Variants in UCK2 observed in about 807,000 individuals in gnomAD.
UCK2 encodes uridine-cytidine kinase 2, also known as cytidine monophosphokinase 2.
Under a neutral mutation model 30.8 loss-of-function variants are expected in UCK2, and 6 were observed. The observed-to-expected ratio is 0.19, with a 90% CI of 0.11 to 0.38. UCK2 has a LOEUF of 0.38. UCK2 is among the 10% of genes least tolerant of loss of function. UCK2 has a pLI of 1.00. For synonymous variants in UCK2, 125 were observed against 133.6 expected, an observed-to-expected ratio of 0.94 and a Z score of 0.45; for missense variants, 210 against 339.8, an observed-to-expected ratio of 0.62 and a Z score of 3.00.
At chr1:165,847,851 T>G (rs750637756) in intron 1 of UCK2, among the ~76,000 whole-genome samples, 1 of 152,192 alleles carries the variant, frequency 6.6e-6, no homozygotes, top group Non-Finnish European at 1.5e-5. Context: ...TGGAGTGCAG[T>G]GGCGTACTCT....
At chr1:165,900,960 G>A (rs977746449) in intron 4 of UCK2, among the ~76,000 whole-genome samples, 1 of 152,112 alleles carries the variant, frequency 6.6e-6, no homozygotes, top group African/African-American at 2.4e-5. Flanking sequence ...GGCTTTATCT[G>A]GAGACGTGTG....
At chr1:165,897,935 C>A (rs904013525) in intron 4 of UCK2, 5 of 152,138 alleles carry the variant, frequency 3.3e-5, no homozygotes, top group African/African-American at 9.7e-5. Context: ...CTTGCGACAC[C>A]CCGGCTTGGG....
Position 165,836,228 on chromosome 1 carries a change from C to CAAAAAA in UCK2, c.99+8300_99+8301insAAAAAA, listed in dbSNP as rs1285741977. The stretch of plus-strand genomic sequence containing the variant: ...GGGCGACAAGAGCAAGACTCCGTCT[C>CAAAAAA]AAAACAAAAAACAAAACAAAAAAAA... On this transcript the variant is annotated intron_variant, in intron 1 of 6. Coordinates refer to ENST00000367879, the MANE Select transcript of UCK2 (RefSeq NM_012474.5). 2.8e-3 allele frequency among the ~76,000 whole-genome samples: 418 copies of CAAAAAA among 149,400 alleles called. 5 individuals are homozygous for CAAAAAA. Among genetic ancestry groups the CAAAAAA allele is most frequent in the African/African-American group, 9.9e-3 (390 of 39,196 alleles).
At chr1:165,899,455 A>T (rs1647383463) in intron 4 of UCK2, among the ~76,000 whole-genome samples, 1 of 152,224 alleles carries the variant, frequency 6.6e-6, no homozygotes, top group Non-Finnish European at 1.5e-5. Flanking sequence ...ACTATAGAGT[A>T]GCACATTTCC....
intron 1 of UCK2, among the ~76,000 whole-genome samples, chr1:165,831,988 C>T (rs532666699): frequency 4.0e-4 from 61 of 152,210 alleles, no homozygotes; most frequent in Non-Finnish European, 7.1e-4. Flanking sequence ...GGGCTGGTCT[C>T]GAACTCCTGA....
At chr1:165,895,296 C>G (rs1655871369) in intron 3 of UCK2, among the ~76,000 whole-genome samples, 1 of 152,104 alleles carries the variant, frequency 6.6e-6, no homozygotes, top group Non-Finnish European at 1.5e-5. Context: ...CATCTGTAGT[C>G]CTAGACACTT....
intron 1 of UCK2, among the ~76,000 whole-genome samples, chr1:165,847,741 G>A (rs967783379): frequency 1.3e-5 from 2 of 152,108 alleles, no homozygotes; most frequent in Admixed American, 1.3e-4. Flanking sequence ...ATCCTTCAGA[G>A]TAGCTAGGGC....
chr1:165,850,619 T>A (rs1332170594), intron 1 of UCK2, among the ~76,000 whole-genome samples: 2 of 49,064 alleles, frequency 4.1e-5, no homozygotes, highest in Non-Finnish European at 1.2e-4. Context: ...TTTTTAAATT[T>A]TTTTTTTTTT....
intron 1 of UCK2, among the ~76,000 whole-genome samples, chr1:165,883,879 C>T (rs182714445): frequency 6.6e-6 from 1 of 152,318 alleles, no homozygotes. Context: ...GCCACTTAAT[C>T]AGTTGGATTG....
chr1:165,839,621 G>A (rs1440428812), intron 1 of UCK2, among the ~76,000 whole-genome samples: 2 of 152,138 alleles, frequency 1.3e-5, no homozygotes, highest in Non-Finnish European at 2.9e-5. Context: ...TTCAGAAGAT[G>A]CTTCCTTGTT....
chr1:165,854,193 C>G (rs1654667977), intron 1 of UCK2, among the ~76,000 whole-genome samples: 1 of 152,180 alleles, frequency 6.6e-6, no homozygotes, highest in African/African-American at 2.4e-5. Flanking sequence ...CACCAGGCAC[C>G]TCAGAGCACA....
intron 1 of UCK2, among the ~76,000 whole-genome samples, chr1:165,856,696 A>T (rs532656829): frequency 6.6e-6 from 1 of 152,132 alleles, no homozygotes; most frequent in Non-Finnish European, 1.5e-5. Flanking sequence ...GTTTTCCAGG[A>T]GGTGATTTAA....
chr1:165,830,812 T>C (rs1654029441), intron 1 of UCK2, among the ~76,000 whole-genome samples: 1 of 152,028 alleles, frequency 6.6e-6, no homozygotes, highest in African/African-American at 2.4e-5. Context: ...GACAGGAGGA[T>C]TGCTTGAGCC....
At chr1:165,865,113 A>G (rs1655018646) in intron 1 of UCK2, among the ~76,000 whole-genome samples, 2 of 152,198 alleles carry the variant, frequency 1.3e-5, no homozygotes, top group Non-Finnish European at 1.5e-5. Context: ...ACATCACATC[A>G]TATGTGTAGT....
chr1:165,832,665 G>A (rs1654080361), intron 1 of UCK2, among the ~76,000 whole-genome samples: 1 of 152,032 alleles, frequency 6.6e-6, no homozygotes, highest in South Asian at 2.1e-4. Context: ...CTGGAGTGCA[G>A]GGGTGCGAAC....
At chr1:165,828,469 G>A (rs1323623716) in intron 1 of UCK2, among the ~76,000 whole-genome samples, 1 of 152,224 alleles carries the variant, frequency 6.6e-6, no homozygotes, top group African/African-American at 2.4e-5. Flanking sequence ...CCAGTGTGGG[G>A]CTGCACGCAA....
At chr1:165,863,357 A>G (rs1017281179) in intron 1 of UCK2, among the ~76,000 whole-genome samples, 1 of 152,244 alleles carries the variant, frequency 6.6e-6, no homozygotes, top group South Asian at 2.1e-4. Flanking sequence ...ATCTGCAAGC[A>G]CCAGCATTTT....
At chr1:165,829,706 C>T (rs889699395) in intron 1 of UCK2, among the ~76,000 whole-genome samples, 3 of 152,100 alleles carry the variant, frequency 2.0e-5, no homozygotes, top group Admixed American at 6.5e-5. Flanking sequence ...TTTGGTGTTA[C>T]TTGGGTAAAG....
chr1:165,837,781 T>A (rs538726230), intron 1 of UCK2, among the ~76,000 whole-genome samples: 2 of 152,150 alleles, frequency 1.3e-5, no homozygotes, highest in South Asian at 4.1e-4. Flanking sequence ...TATTAAGTAA[T>A]TTTTTTTCAA....
Sources: gnomAD v4.1 joint callset for allele counts (sites outside exome capture counted in the v4.1 genomes callset) on GRCh38, gnomAD v4.1.1 for gene constraint, MANE v1.5 for transcripts, NCBI Gene and HGNC (gene_info 2026-07-23, HGNC 2026-07-21) for gene names.